The following SLA2 variants were observed in gnomAD, a reference collection of about 807,000 sequenced individuals.
The protein encoded by SLA2 is src-like-adapter 2.
SLA2 carries 22 observed loss-of-function variants against 27.3 expected under a neutral mutation model. The ratio of observed to expected loss-of-function variants is 0.81; its 90% CI spans 0.58 to 1.15. The LOEUF (loss-of-function observed/expected upper bound fraction) is 1.15, where lower values mean the gene tolerates loss of function less well. Among genes scored for constraint, SLA2 ranks in the 50% most tolerant of loss-of-function variants. The probability of loss-of-function intolerance (pLI) is 0.00; values close to 1 mark genes in which losing one functional copy is unlikely to be tolerated. For synonymous variants in SLA2, 131 were observed against 137.8 expected, an observed-to-expected ratio of 0.95 and a Z score of 0.34; for missense variants, 304 against 322.2, an observed-to-expected ratio of 0.94 and a Z score of 0.43.
At chr20:36,623,745 C>T (rs1305908828) in intron 5 of SLA2, among the ~76,000 whole-genome samples, 1 of 151,962 alleles carries the variant, frequency 6.6e-6, no homozygotes. Flanking sequence ...CCTGTTGCCT[C>T]AGCCTCCCAA....
chr20:36,637,898 T>C (rs1432655720), intron 2 of SLA2, among the ~76,000 whole-genome samples: 2 of 143,320 alleles, frequency 1.4e-5, no homozygotes, highest in Non-Finnish European at 3.1e-5. Context: ...TTTTTTTTTT[T>C]TTTTTTTTGA....
chr20:36,643,328 T>C (rs1388841227), intron 1 of SLA2, among the ~76,000 whole-genome samples: 1 of 152,184 alleles, frequency 6.6e-6, no homozygotes, highest in African/African-American at 2.4e-5. Context: ...TTCTTTTCAG[T>C]AGGGACAAGG....
At chr20:36,637,367 T>C (rs2039462396) in intron 2 of SLA2, among the ~76,000 whole-genome samples, 1 of 151,616 alleles carries the variant, frequency 6.6e-6, no homozygotes, top group African/African-American at 2.4e-5. Context: ...CATGCCTGGC[T>C]ACTTTTTGTA....
chr20:36,618,711 G>C (rs1441548129), intron 5 of SLA2, among the ~76,000 whole-genome samples: 8 of 151,700 alleles, frequency 5.3e-5, no homozygotes, highest in Non-Finnish European at 1.2e-4. Context: ...TTCAAGACCA[G>C]CCTGACCAAC....
At chr20:36,619,629 TTTTTC>T (rs1202081948) in intron 5 of SLA2, among the ~76,000 whole-genome samples, 1 of 149,426 alleles carries the variant, frequency 6.7e-6, no homozygotes, top group African/African-American at 2.5e-5. Context: ...TGTACAAATT[TTTTTC>T]TTTTTTTTTT....
intron 2 of SLA2, among the ~76,000 whole-genome samples, chr20:36,635,489 C>T (rs1414288274): frequency 6.6e-6 from 1 of 151,470 alleles, no homozygotes; most frequent in Non-Finnish European, 1.5e-5. Flanking sequence ...TGTTGGGTGG[C>T]GGCACCGTGT....
chr20:36,623,131 T>C (rs2147982924), intron 5 of SLA2, among the ~76,000 whole-genome samples: 1 of 152,212 alleles, frequency 6.6e-6, no homozygotes, highest in East Asian at 1.9e-4. Flanking sequence ...TAGCTGGGCA[T>C]GATGGCGTGT....
Position 36,613,757 on chromosome 20 carries a change from T to TCCCCCCCC in SLA2, c.*108_*109insGGGGGGGG. On this transcript the variant is annotated 3_prime_UTR_variant, in exon 8 of 8. Transcript: ENST00000262866. Reference sequence around the variant, plus strand: ...GTGGGACCCTAGATGCACCTCTGTGTCCCACCCTCCCTCCCTGAGTGCACA... The same window carrying TCCCCCCCC: ...GTGGGACCCTAGATGCACCTCTGTGTCCCCCCCCCCCACCCTCCCTCCCTGAGTGCACA... 1.5e-5 allele frequency: 7 copies of TCCCCCCCC among 471,820 alleles called. No homozygotes were observed. The highest frequency in any genetic ancestry group is 2.0e-5 in the Non-Finnish European group (5 of 246,216). The allele number at this position is 471,820 out of a possible 1,614,324, so 29.2% of individuals were successfully genotyped here.
intron 5 of SLA2, among the ~76,000 whole-genome samples, chr20:36,618,455 C>T (rs1490344913): frequency 1.3e-5 from 2 of 151,352 alleles, no homozygotes; most frequent in Admixed American, 6.6e-5. Context: ...CCAGGTTGGT[C>T]TTGAACTCCT....
At chr20:36,639,667 C>T (rs1252702044) in intron 2 of SLA2, among the ~76,000 whole-genome samples, 1 of 150,480 alleles carries the variant, frequency 6.6e-6, no homozygotes, top group Non-Finnish European at 1.5e-5. Flanking sequence ...TCCTGGCTAA[C>T]ACAGTGAAAC....
intron 5 of SLA2, among the ~76,000 whole-genome samples, chr20:36,630,350 G>GAA (rs1417938644): frequency 6.6e-6 from 1 of 152,210 alleles, no homozygotes; most frequent in Non-Finnish European, 1.5e-5. Flanking sequence ...AAAGAAGCTG[G>GAA]AAAGGGTCCT....
intron 1 of SLA2, among the ~76,000 whole-genome samples, chr20:36,645,216 A>G (rs1978287001): frequency 6.9e-6 from 1 of 145,568 alleles, no homozygotes; most frequent in Non-Finnish European, 1.5e-5. Context: ...AAATATAACG[A>G]ATTAGCTGGG....
At chr20:36,643,531 C>T (rs570667817) in intron 1 of SLA2, among the ~76,000 whole-genome samples, 1 of 152,120 alleles carries the variant, frequency 6.6e-6, no homozygotes. Flanking sequence ...TGAGGACGGG[C>T]GTCCATCAAT....
chr20:36,638,889 C>G (rs2039479004), intron 2 of SLA2, among the ~76,000 whole-genome samples: 1 of 152,100 alleles, frequency 6.6e-6, no homozygotes, highest in Non-Finnish European at 1.5e-5. Flanking sequence ...TCTTGTTGCC[C>G]AGGCTGGAGT....
chr20:36,625,757 T>C (rs1160797212), intron 5 of SLA2, among the ~76,000 whole-genome samples: 1 of 150,586 alleles, frequency 6.6e-6, no homozygotes, highest in Admixed American at 6.6e-5. Flanking sequence ...AGCCCACAAG[T>C]TCAAGACTGC....
intron 5 of SLA2, 87 bp from the exon 6 acceptor site, chr20:36,615,461 AC>A (rs2039198984): frequency 9.0e-6 from 14 of 1,560,104 alleles, no homozygotes; most frequent in African/African-American, 8.1e-5. Flanking sequence ...AGGCAACGTG[AC>A]CATGGGGCCC....
At chr20:36,633,423 C>A in intron 4 of SLA2, 120 bp downstream of exon 4, 2 of 807,546 alleles carry the variant, frequency 2.5e-6, no homozygotes, top group Non-Finnish European at 4.2e-6. Context: ...GAGGGCAGGA[C>A]CTGGGTTCGA....
In SLA2 at chr20:36,613,672, T is replaced by C. The variant is rs1267151650; in HGVS notation, c.*194A>G. 1 of 597,870 alleles carries C rather than the reference T, an allele frequency of 1.7e-6. No homozygotes were observed. Among genetic ancestry groups the C allele is most frequent in the Non-Finnish European group, 2.8e-6 (1 of 358,206 alleles). 37.0% of individuals were successfully genotyped at this position (597,870 alleles called of 1,614,324 possible). ...GCACTAGAGGTCGCAGGTGGGATCATGGCACTGGAAGGAAGTAGGTGACTT... is the reference window on the plus strand; with the variant it reads ...GCACTAGAGGTCGCAGGTGGGATCACGGCACTGGAAGGAAGTAGGTGACTT... On this transcript the variant is annotated 3_prime_UTR_variant, in exon 8 of 8. Coordinates refer to ENST00000262866, the MANE Select transcript of SLA2 (RefSeq NM_032214.4).
At chr20:36,627,007 G>A (rs560940867) in intron 5 of SLA2, among the ~76,000 whole-genome samples, 1 of 151,914 alleles carries the variant, frequency 6.6e-6, no homozygotes, top group African/African-American at 2.4e-5. Flanking sequence ...TGGGTAGGTG[G>A]TAGTCTGGGA....
Sources: allele counts gnomAD v4.1 joint callset (sites outside exome capture counted in the v4.1 genomes callset), GRCh38; gene constraint gnomAD v4.1.1; transcripts MANE v1.5; gene names NCBI Gene and HGNC (gene_info 2026-07-23, HGNC 2026-07-21).